CNTN4: variants seen among roughly 807,000 people sequenced by gnomAD.
CNTN4 encodes the protein contactin-4.
CNTN4 carries 77 observed loss-of-function variants against 122.5 expected under a neutral mutation model. The observed-to-expected ratio is 0.63, with a 90% CI of 0.52 to 0.76. The LOEUF (loss-of-function observed/expected upper bound fraction) is 0.76. Ranked by LOEUF, CNTN4 falls within the 30% of genes least tolerant of loss-of-function variation. The pLI is 0.00. For missense variants in CNTN4, 1,256 were observed against 1,259.1 expected (o/e 1.00, Z 0.04); for synonymous variants, 512 against 447.0 (o/e 1.15, Z -1.83).
intron 3 of CNTN4, among the ~76,000 whole-genome samples, chr3:2,477,572 T>C (rs1185336880): frequency 1.3e-5 from 2 of 152,126 alleles, no homozygotes; most frequent in African/African-American, 2.4e-5. Flanking sequence ...CTAGTCAGGA[T>C]TGAGGGCCCA....
intron 4 of CNTN4, among the ~76,000 whole-genome samples, chr3:2,649,124 C>T (rs1198458993): frequency 6.6e-6 from 1 of 152,182 alleles, no homozygotes; most frequent in African/African-American, 2.4e-5. Context: ...GAGATGCCAC[C>T]TCCTTAACAT....
intron 4 of CNTN4, among the ~76,000 whole-genome samples, chr3:2,629,164 G>A (rs1378716807): frequency 2.0e-5 from 3 of 152,090 alleles, no homozygotes; most frequent in Non-Finnish European, 2.9e-5. Context: ...CAGGATTGCC[G>A]TCTTTATAAT....
chr3:2,271,514 T>C (rs11129077), intron 2 of CNTN4, among the ~76,000 whole-genome samples: 81,591 of 151,928 alleles, frequency 0.54, 22,537 homozygotes, highest in South Asian at 0.68. Context: ...ATAGCACCTA[T>C]ATCATAGGTT....
At chr3:2,947,718 T>G (rs1472144872) in intron 13 of CNTN4, among the ~76,000 whole-genome samples, 1 of 152,208 alleles carries the variant, frequency 6.6e-6, no homozygotes, top group East Asian at 1.9e-4. Flanking sequence ...AAAATCTGAG[T>G]ATAAAAGCTA....
chr3:2,654,078 A>G (rs1337068854), intron 4 of CNTN4, among the ~76,000 whole-genome samples: 1 of 152,180 alleles, frequency 6.6e-6, no homozygotes, highest in Non-Finnish European at 1.5e-5. Flanking sequence ...TTGCTAATTT[A>G]CCCAATTCCA....
intron 5 of CNTN4, among the ~76,000 whole-genome samples, chr3:2,740,047 G>C (rs948243564): frequency 1.3e-5 from 2 of 151,730 alleles, no homozygotes. Context: ...TTTCCCCCAA[G>C]TACCTTTAAC....
chr3:2,949,256 AT>A (rs1422184730), intron 13 of CNTN4, among the ~76,000 whole-genome samples: 1 of 152,182 alleles, frequency 6.6e-6, no homozygotes, highest in East Asian at 1.9e-4. Flanking sequence ...CCTCAAGCAC[AT>A]TCAAAAAAGA....
intron 13 of CNTN4, among the ~76,000 whole-genome samples, chr3:2,979,847 AAAGGC>A (rs1211633535): frequency 6.6e-6 from 1 of 152,176 alleles, no homozygotes; most frequent in African/African-American, 2.4e-5. Context: ...AGTGTGACTT[AAAGGC>A]AAGCAAGGAT....
intron 3 of CNTN4, among the ~76,000 whole-genome samples, chr3:2,456,030 A>G (rs2048986345): frequency 6.6e-6 from 1 of 152,132 alleles, no homozygotes; most frequent in Non-Finnish European, 1.5e-5. Flanking sequence ...CATACTGTAG[A>G]CAGGTCACAT....
chr3:2,286,928 G>C (rs1228206868), intron 2 of CNTN4, among the ~76,000 whole-genome samples: 1 of 152,194 alleles, frequency 6.6e-6, no homozygotes, highest in African/African-American at 2.4e-5. Context: ...CAGATTTCAG[G>C]TTTTGATTGT....
chr3:2,650,556 C>T lies in CNTN4; in HGVS notation c.55+78998C>T, dbSNP rs907442666. Among the ~76,000 whole-genome samples, 8 of 152,100 alleles carry T rather than the reference C, an allele frequency of 5.3e-5. 1 individual carries two copies. In the South Asian group the frequency reaches 6.2e-4, roughly 12 times the overall value. On this transcript the variant is annotated intron_variant, in intron 4 of 24. Coordinates refer to ENST00000418658, the MANE Select transcript of CNTN4 (RefSeq NM_175607.3). ...ACCTGCTGAGGAAGTCTGTCATGAA[C>T]GGAAGACTCAATCAATGCAGCAAAC...
chr3:2,357,731 A>G (rs887783870), intron 3 of CNTN4, among the ~76,000 whole-genome samples: 6 of 152,210 alleles, frequency 3.9e-5, no homozygotes, highest in African/African-American at 1.4e-4. Flanking sequence ...TCATTTCTCA[A>G]TGCAAAAATA....
At chr3:2,353,117 A>G (rs1238540836) in intron 3 of CNTN4, among the ~76,000 whole-genome samples, 2 of 152,118 alleles carry the variant, frequency 1.3e-5, no homozygotes, top group African/African-American at 2.4e-5. Context: ...GGAGGATTGT[A>G]TATGTACCAA....
chr3:2,120,405 ATTTTTTTT>A (rs57112843), intron 2 of CNTN4, among the ~76,000 whole-genome samples: 32 of 40,836 alleles, frequency 7.8e-4, no homozygotes, highest in East Asian at 5.1e-3. Flanking sequence ...ATATATATAT[ATTTTTTTT>A]TTTTTTTTTA....
rs140403409 is a variant in CNTN4, at chr3:2,460,043, G to A, written c.-88-111373G>A. 7.2e-5 allele frequency among the ~76,000 whole-genome samples: 11 copies of A among 152,074 alleles called. No individual in the cohort carries two copies. The East Asian group carries it at 2.1e-3, about 29-fold the overall frequency. ...TTGTTACATGAGTTGCATCTTATCT[G>A]GCCATCTATCTCTGGGCTGAGTTAC... is the stretch of plus-strand genomic sequence containing the variant. On this transcript the variant is annotated intron_variant, in intron 3 of 24. Coordinates refer to ENST00000418658, the MANE Select transcript of CNTN4 (RefSeq NM_175607.3).
At chr3:2,110,357 A>G (rs569331341) in intron 2 of CNTN4, 5 of 152,358 alleles carry the variant, frequency 3.3e-5, no homozygotes, top group Non-Finnish European at 5.9e-5. Context: ...CATTGTAAGC[A>G]TTAGGTAAAT....
chr3:2,971,289 C>T (rs369289689), intron 13 of CNTN4, among the ~76,000 whole-genome samples: 1 of 152,098 alleles, frequency 6.6e-6, no homozygotes, highest in South Asian at 2.1e-4. Flanking sequence ...ATTTCAATCC[C>T]GTGTTGTTCA....
chr3:2,430,031 C>T (rs917386608), intron 3 of CNTN4, among the ~76,000 whole-genome samples: 2 of 152,122 alleles, frequency 1.3e-5, no homozygotes, highest in African/African-American at 4.8e-5. Context: ...TGAGGTGATG[C>T]CTCGCTCTGC....
chr3:2,153,296 CA>C (rs2035573185), intron 2 of CNTN4, among the ~76,000 whole-genome samples: 1 of 152,152 alleles, frequency 6.6e-6, no homozygotes, highest in African/African-American at 2.4e-5. Flanking sequence ...TACATCATTA[CA>C]ATGTCTGGAA....
Sources: allele counts gnomAD v4.1 joint callset (sites outside exome capture counted in the v4.1 genomes callset), GRCh38; gene constraint gnomAD v4.1.1; transcripts MANE v1.5; gene names NCBI Gene and HGNC (gene_info 2026-07-23, HGNC 2026-07-21).